Variants in ASIC2 observed in about 807,000 individuals in gnomAD.
ASIC2 encodes acid-sensing ion channel 2.
In ASIC2, 25 loss-of-function variants were observed where a neutral mutation model predicts 57.3. The observed-to-expected ratio is 0.44, with a 90% CI of 0.32 to 0.61. The LOEUF (loss-of-function observed/expected upper bound fraction) is 0.61. Among genes scored for constraint, ASIC2 ranks in the 20% least tolerant of loss-of-function variants. The pLI is 0.06. For synonymous variants in ASIC2, 319 were observed against 307.5 expected, an observed-to-expected ratio of 1.04 and a Z score of -0.39; for missense variants, 641 against 738.1, an observed-to-expected ratio of 0.87 and a Z score of 1.52.
At chr17:33,572,898 CA>C (rs1263875883) in intron 1 of ASIC2, among the ~76,000 whole-genome samples, 1 of 152,248 alleles carries the variant, frequency 6.6e-6, no homozygotes, top group African/African-American at 2.4e-5. Context: ...CTCCTGCCTT[CA>C]ACCATGCACA....
At chr17:33,563,774 T>G (rs568103638) in intron 1 of ASIC2, among the ~76,000 whole-genome samples, 1 of 152,054 alleles carries the variant, frequency 6.6e-6, no homozygotes, top group Non-Finnish European at 1.5e-5. Flanking sequence ...CAAGGCCACA[T>G]GGGGAGTGAC....
intron 1 of ASIC2, among the ~76,000 whole-genome samples, chr17:33,413,092 TA>T (rs1910720701): frequency 6.6e-6 from 1 of 152,064 alleles, no homozygotes; most frequent in African/African-American, 2.4e-5. Context: ...GATGGGGGCA[TA>T]GGGGGTGCCA....
At chr17:33,256,519 G>T (rs1362505906) in intron 1 of ASIC2, among the ~76,000 whole-genome samples, 1 of 152,016 alleles carries the variant, frequency 6.6e-6, no homozygotes, top group African/African-American at 2.4e-5. Flanking sequence ...AAATGAATTG[G>T]CATAAAAAAT....
At chr17:33,628,941 A>G (rs1173494567) in intron 1 of ASIC2, among the ~76,000 whole-genome samples, 1 of 152,092 alleles carries the variant, frequency 6.6e-6, no homozygotes, top group Non-Finnish European at 1.5e-5. Context: ...TGCACGTGGG[A>G]GCCCTCAGCA....
intron 1 of ASIC2, among the ~76,000 whole-genome samples, chr17:33,946,824 A>G (rs1210798712): frequency 6.6e-6 from 1 of 152,206 alleles, no homozygotes; most frequent in Non-Finnish European, 1.5e-5. Flanking sequence ...AGGAAAGAGT[A>G]GCAGAGACAG....
chr17:34,109,754 A>G (rs1473345390), intron 1 of ASIC2, among the ~76,000 whole-genome samples: 1 of 152,094 alleles, frequency 6.6e-6, no homozygotes, highest in East Asian at 1.9e-4. Flanking sequence ...TCATTCATAT[A>G]CTCTACTCTC....
intron 1 of ASIC2, among the ~76,000 whole-genome samples, chr17:33,567,121 C>T (rs866108447): frequency 7.9e-5 from 12 of 152,040 alleles, no homozygotes; most frequent in South Asian, 2.1e-4. Context: ...TGAAACAAGG[C>T]TGGAGGAGGA....
At chr17:33,327,948 G>T (rs1447415396) in intron 1 of ASIC2, among the ~76,000 whole-genome samples, 1 of 152,192 alleles carries the variant, frequency 6.6e-6, no homozygotes, top group Non-Finnish European at 1.5e-5. Flanking sequence ...GGCAGAGAAT[G>T]AACTGGTGCA....
At chr17:33,635,267 C>T (rs1906319126) in intron 1 of ASIC2, among the ~76,000 whole-genome samples, 1 of 152,162 alleles carries the variant, frequency 6.6e-6, no homozygotes, top group Non-Finnish European at 1.5e-5. Context: ...ATTCAGTGAG[C>T]ACTTGCTACG....
intron 1 of ASIC2, among the ~76,000 whole-genome samples, chr17:33,278,192 C>T (rs1904783051): frequency 6.8e-6 from 1 of 147,052 alleles, no homozygotes; most frequent in African/African-American, 2.5e-5. Flanking sequence ...ATCAGATGCC[C>T]TTATTCATTT....
intron 1 of ASIC2, among the ~76,000 whole-genome samples, chr17:33,636,875 A>ACC (rs201196021): frequency 0.026 from 3,911 of 151,688 alleles, 68 homozygotes; most frequent in Middle Eastern, 0.058. Flanking sequence ...GCATGCACAC[A>ACC]CACCCACACA....
intron 3 of ASIC2, among the ~76,000 whole-genome samples, chr17:33,038,899 C>T (rs2091919995): frequency 6.6e-6 from 1 of 152,146 alleles, no homozygotes; most frequent in African/African-American, 2.4e-5. Flanking sequence ...CTCCGCAGCC[C>T]TCGCAGCCCT....
intron 1 of ASIC2, among the ~76,000 whole-genome samples, chr17:34,030,597 C>T (rs542655809): frequency 2.0e-5 from 3 of 152,322 alleles, no homozygotes; most frequent in Admixed American, 6.5e-5. Flanking sequence ...AGGGAATTTC[C>T]TTTCCTACTC....
intron 1 of ASIC2, among the ~76,000 whole-genome samples, chr17:33,437,183 G>A (rs929593489): frequency 6.6e-6 from 1 of 151,994 alleles, no homozygotes; most frequent in Non-Finnish European, 1.5e-5. Flanking sequence ...TTTTGAGACA[G>A]GATCTCAGGC....
At chr17:33,670,820 A>T (rs941057210) in intron 1 of ASIC2, among the ~76,000 whole-genome samples, 13 of 152,212 alleles carry the variant, frequency 8.5e-5, no homozygotes, top group South Asian at 2.1e-4. Flanking sequence ...CCAGTCCTAG[A>T]GTTTATCAAT....
intron 1 of ASIC2, among the ~76,000 whole-genome samples, chr17:33,348,678 T>C (rs1466620513): frequency 2.0e-5 from 3 of 151,936 alleles, no homozygotes; most frequent in Non-Finnish European, 4.4e-5. Context: ...GGGCATGGGA[T>C]GTAGTGGGGA....
intron 1 of ASIC2, among the ~76,000 whole-genome samples, chr17:33,189,883 C>T (rs319784): frequency 0.65 from 98,104 of 151,936 alleles, 33,367 homozygotes; most frequent in African/African-American, 0.87. Flanking sequence ...ATGTTTATAA[C>T]ACATAGGCAG....
At chr17:33,348,501 C>T (rs948994917) in intron 1 of ASIC2, among the ~76,000 whole-genome samples, 2 of 152,076 alleles carry the variant, frequency 1.3e-5, no homozygotes, top group African/African-American at 2.4e-5. Flanking sequence ...AGGACAAGAA[C>T]CTGAAAGGAA....
At position 33,292,244 on chromosome 17, in the gene ASIC2, C is replaced by T. The variant is rs1905513485; in HGVS notation, c.-129G>A. On this transcript the variant is annotated 5_prime_UTR_variant, in exon 1 of 10. Transcript: ENST00000225823. ...CAGCCCGCGCCAGGGAAGCGTGCGC[C>T]CGAAAGGAGCTCCGGTGGCGCGGCA... 22 of 996,526 alleles carry T rather than the reference C, an allele frequency of 2.2e-5. No individual in the cohort carries two copies. The highest frequency in any genetic ancestry group is 2.4e-5 in the Non-Finnish European group (20 of 839,058). The allele number at this position is 996,526 out of a possible 1,614,324, so 61.7% of individuals were successfully genotyped here. A position where few individuals can be genotyped will look rare whatever the true frequency, so the allele number is the denominator to read the frequency against.
Sources: gnomAD v4.1 joint callset for allele counts (sites outside exome capture counted in the v4.1 genomes callset) on GRCh38, gnomAD v4.1.1 for gene constraint, MANE v1.5 for transcripts, NCBI Gene and HGNC (gene_info 2026-07-23, HGNC 2026-07-21) for gene names.